NNT: variants seen among roughly 807,000 people sequenced by gnomAD.
The protein encoded by NNT is nicotinamide nucleotide transhydrogenase.
A neutral mutation model predicts 104.8 loss-of-function variants in NNT; 50 were observed. The ratio of observed to expected loss-of-function variants is 0.48; its 90% CI spans 0.38 to 0.60. The LOEUF is 0.60. Ranked by LOEUF, NNT falls within the 20% of genes least tolerant of loss-of-function variation. The pLI is 0.00. For missense variants in NNT, 1,131 were observed against 1,330.7 expected, an observed-to-expected ratio of 0.85 and a Z score of 2.33; for synonymous variants, 461 against 490.4, an observed-to-expected ratio of 0.94 and a Z score of 0.79.
intron 2 of NNT, among the ~76,000 whole-genome samples, chr5:43,611,947 C>T (rs568247236): frequency 1.3e-5 from 2 of 152,222 alleles, no homozygotes; most frequent in African/African-American, 4.8e-5. Context: ...AACAGAATCA[C>T]ATCAGATTAT....
At chr5:43,624,251 T>C (rs1750248437) in intron 6 of NNT, 131 bp downstream of exon 6, 1 of 782,494 alleles carries the variant, frequency 1.3e-6, no homozygotes, top group Non-Finnish European at 2.2e-6. Context: ...CATTTAAAAA[T>C]GTTTCCACTT....
At chr5:43,668,731 T>C (rs926417421) in intron 17 of NNT, among the ~76,000 whole-genome samples, 19 of 152,208 alleles carry the variant, frequency 1.2e-4, no homozygotes, top group Non-Finnish European at 7.4e-5. Context: ...CCAGCTTTGT[T>C]CTTTTGGCTT....
intron 19 of NNT, among the ~76,000 whole-genome samples, chr5:43,690,565 C>G (rs1580121194): frequency 6.6e-6 from 1 of 152,168 alleles, no homozygotes; most frequent in East Asian, 1.9e-4. Flanking sequence ...ATTTGAGAGG[C>G]AGTTAGTACT....
chr5:43,628,494 T>A (rs2111694820), intron 7 of NNT, 107 bp downstream of exon 7: 1 of 735,744 alleles, frequency 1.4e-6, no homozygotes, highest in East Asian at 3.0e-5. Flanking sequence ...TAAGGAAGGA[T>A]CTAGTACTTT....
At chr5:43,662,757 G>C (rs760921842) in intron 17 of NNT, among the ~76,000 whole-genome samples, 1 of 152,136 alleles carries the variant, frequency 6.6e-6, no homozygotes, top group African/African-American at 2.4e-5. Flanking sequence ...GCTGGGCATG[G>C]TGGCACATGC....
At chr5:43,644,518 C>T in intron 8 of NNT, 93 bp from the exon 9 acceptor site, 1 of 1,222,682 alleles carries the variant, frequency 8.2e-7, no homozygotes, top group Non-Finnish European at 1.1e-6. Flanking sequence ...TATATAATTA[C>T]AAAACTTAGC....
chr5:43,649,304 C>T lies in NNT; in HGVS notation c.1602C>T (p.Ile534=), dbSNP rs377592942. 477 of 1,614,062 alleles carry T rather than the reference C, an allele frequency of 3.0e-4. No homozygotes were observed. Among genetic ancestry groups the T allele is most frequent in the Non-Finnish European group, 3.7e-4 (442 of 1,179,944 alleles). ...CACTGATGTCTGTGACAAATGCAAT[C>T]TCAGGTTTGTTCCTCTCTTGTTTTT... The part of the protein sequence containing the change: ...HSPLMSVTNA[I]SGLTAVGGLA... The change falls in exon 11 of 22, where the codon ATC becomes ATT. Residue 534 remains isoleucine, a synonymous_variant. Transcript: ENST00000344920.
intron 17 of NNT, among the ~76,000 whole-genome samples, chr5:43,666,045 C>A (rs561444094): frequency 6.6e-6 from 1 of 151,970 alleles, no homozygotes; most frequent in African/African-American, 2.4e-5. Context: ...GGCGGCCGGG[C>A]AGAGACGCTC....
At chr5:43,660,626 C>T (rs1213597569) in intron 17 of NNT, among the ~76,000 whole-genome samples, 1 of 152,188 alleles carries the variant, frequency 6.6e-6, no homozygotes, top group African/African-American at 2.4e-5. Context: ...CACAGCTCCA[C>T]AGGCTTAACA....
chr5:43,619,072 T>G lies in NNT; in HGVS notation c.640T>G (p.Phe214Val). 6.4e-7 allele frequency: 1 copy of G among 1,557,594 alleles called. No individual in the cohort carries two copies. The highest frequency in any genetic ancestry group is 8.7e-7 in the Non-Finnish European group (1 of 1,150,140). The change falls in exon 5 of 22, where the codon TTT (phenylalanine) becomes GTT (valine). Residue 214 changes from phenylalanine to valine, a missense_variant. Transcript: ENST00000344920. ...VVLAANHFGR[F>V]FTGQITAAGK... ...CCTAGCAGCAAATCATTTTGGACGT[T>G]TTTTTACTGGTCAGATCACAGCTGC...
chr5:43,641,379 AC>A (rs1209350906), intron 7 of NNT, among the ~76,000 whole-genome samples: 1 of 152,126 alleles, frequency 6.6e-6, no homozygotes, highest in East Asian at 1.9e-4. Context: ...AGGCAGCTGC[AC>A]TGTTACATTC....
intron 7 of NNT, among the ~76,000 whole-genome samples, chr5:43,629,821 ATTAT>A (rs1253222249): frequency 6.6e-6 from 1 of 151,264 alleles, no homozygotes; most frequent in African/African-American, 2.4e-5. Context: ...TTTTGATGGG[ATTAT>A]TTATTTTTTT....
chr5:43,629,685 G>A (rs1750575657), intron 7 of NNT, among the ~76,000 whole-genome samples: 1 of 152,102 alleles, frequency 6.6e-6, no homozygotes, highest in Non-Finnish European at 1.5e-5. Flanking sequence ...GGAGTAAGGT[G>A]GTATCTCATT....
At chr5:43,683,892 G>T (rs967465131) in intron 19 of NNT, among the ~76,000 whole-genome samples, 1 of 152,042 alleles carries the variant, frequency 6.6e-6, no homozygotes, top group Non-Finnish European at 1.5e-5. Flanking sequence ...TCTATTCTGG[G>T]CCTGGTAGTT....
chr5:43,650,595 G>A lies in NNT; in HGVS notation c.1717+8G>A, dbSNP rs1739706779. On this transcript the variant is annotated splice_region_variant and intron_variant, in intron 12 of 21. Transcript: ENST00000344920. ...CCTCTGTCAACATTGCAGGTATGATGTCAGTGAAAGGTCTCAGTACTATTT... is the reference window on the plus strand; with the variant it reads ...CCTCTGTCAACATTGCAGGTATGATATCAGTGAAAGGTCTCAGTACTATTT... 6.3e-7 allele frequency: 1 copy of A among 1,587,002 alleles called. No individual in the cohort carries two copies. Among genetic ancestry groups the A allele is most frequent in the Non-Finnish European group, 8.7e-7 (1 of 1,155,426 alleles).
In NNT at chr5:43,629,155, C is replaced by A. The variant is rs1052066069; in HGVS notation, c.964+768C>A. On this transcript the variant is annotated intron_variant, in intron 7 of 21. Coordinates refer to ENST00000344920, the MANE Select transcript of NNT (RefSeq NM_182977.3). ...TGTTTAGTCTTTTATCCCTCACCCC[C>A]CCTCCCACTCTTAACCCCTGAGTCC... Among the ~76,000 whole-genome samples the A allele has an allele frequency of 7.2e-5, 11 of 152,132 alleles. No homozygotes were observed. The East Asian group carries it at 1.2e-3, about 16-fold the overall frequency.
chr5:43,633,388 G>A (rs1244644242), intron 7 of NNT, among the ~76,000 whole-genome samples: 2 of 152,044 alleles, frequency 1.3e-5, no homozygotes, highest in Non-Finnish European at 2.9e-5. Context: ...TCCTCAAATG[G>A]GCCAAGATAC....
At chr5:43,682,490 C>T (rs540052842) in intron 19 of NNT, among the ~76,000 whole-genome samples, 6 of 152,136 alleles carry the variant, frequency 3.9e-5, no homozygotes, top group African/African-American at 9.7e-5. Context: ...GGATTACAGG[C>T]GTGAGCCACC....
chr5:43,670,975 G>T (rs1217982828), intron 17 of NNT, among the ~76,000 whole-genome samples: 3 of 152,074 alleles, frequency 2.0e-5, no homozygotes, highest in African/African-American at 7.2e-5. Context: ...CCCTGTATTG[G>T]GTGCATATAT....
Sources: allele counts gnomAD v4.1 joint callset (sites outside exome capture counted in the v4.1 genomes callset), GRCh38; gene constraint gnomAD v4.1.1; transcripts MANE v1.5; gene names NCBI Gene and HGNC (gene_info 2026-07-23, HGNC 2026-07-21).